The following KATNIP variants were observed in gnomAD, a reference collection of about 807,000 sequenced individuals.
KATNIP encodes katanin interacting protein.
A neutral mutation model predicts 174.0 loss-of-function variants in KATNIP; 126 were observed. That is an observed-to-expected ratio of 0.72 (90% CI 0.63 to 0.84). The LOEUF is 0.84. Ranked by LOEUF, KATNIP falls within the 40% of genes least tolerant of loss-of-function variation. The pLI is 0.00. For synonymous variants in KATNIP, 810 were observed against 835.7 expected, an observed-to-expected ratio of 0.97 and a Z score of 0.53; for missense variants, 1,958 against 2,109.7, an observed-to-expected ratio of 0.93 and a Z score of 1.41.
chr16:27,739,706 G>A (rs1481933340), intron 14 of KATNIP, among the ~76,000 whole-genome samples: 2 of 152,332 alleles, frequency 1.3e-5, no homozygotes, highest in Admixed American at 1.3e-4. Context: ...AATGAACTCT[G>A]GTGGCAATGT....
At chr16:27,726,326 C>T (rs781077919) in intron 14 of KATNIP, among the ~76,000 whole-genome samples, 7 of 152,178 alleles carry the variant, frequency 4.6e-5, no homozygotes, top group Non-Finnish European at 5.9e-5. Flanking sequence ...CTGGTGTAGG[C>T]CACCGCTGCT....
Position 27,550,187 on chromosome 16 carries a change from T to A in KATNIP, c.7+10T>A. 2 of 1,609,054 alleles carry A rather than the reference T, an allele frequency of 1.2e-6. No individual in the cohort carries two copies. The highest frequency in any genetic ancestry group is 2.2e-5 in the South Asian group (2 of 90,884). ...CCTCTAGGGATGGACGGTGAGTGTC[T>A]GTGGGCCCCTCCGGGAGGTCGGGCT... On this transcript the variant is annotated intron_variant, in intron 1 of 27. Transcript: ENST00000261588.
intron 23 of KATNIP, among the ~76,000 whole-genome samples, 198 bp downstream of exon 23, chr16:27,773,407 C>T (rs2082382663): frequency 6.6e-6 from 1 of 152,196 alleles, no homozygotes; most frequent in Non-Finnish European, 1.5e-5. Context: ...GCTAAGACAT[C>T]AGGAGCAGGA....
chr16:27,716,775 C>T (rs2079958722), intron 13 of KATNIP, among the ~76,000 whole-genome samples: 1 of 152,166 alleles, frequency 6.6e-6, no homozygotes, highest in African/African-American at 2.4e-5. Context: ...ACAATGGAAA[C>T]CACTGATCTG....
chr16:27,709,645 A>C (rs2079485181), intron 13 of KATNIP, among the ~76,000 whole-genome samples: 1 of 151,060 alleles, frequency 6.6e-6, no homozygotes, highest in Admixed American at 6.6e-5. Context: ...TCTCAAAAAA[A>C]ATAAATAAGA....
chr16:27,733,986 C>A (rs945764724), intron 14 of KATNIP, among the ~76,000 whole-genome samples: 1 of 152,072 alleles, frequency 6.6e-6, no homozygotes, highest in Admixed American at 6.5e-5. Flanking sequence ...AACTGGAACC[C>A]ACACACATAC....
At chr16:27,579,336 C>G (rs1314312141) in intron 2 of KATNIP, among the ~76,000 whole-genome samples, 4 of 152,204 alleles carry the variant, frequency 2.6e-5, no homozygotes, top group Non-Finnish European at 5.9e-5. Context: ...GGCCAAGCAG[C>G]TCTGCCTCAA....
chr16:27,560,285 A>G (rs200146875), intron 1 of KATNIP, among the ~76,000 whole-genome samples: 2 of 145,722 alleles, frequency 1.4e-5, no homozygotes, highest in Admixed American at 6.8e-5. Flanking sequence ...CTGTCTCAGA[A>G]AAAAAAAAAA....
At chr16:27,653,853 G>C (rs1201005017) in intron 6 of KATNIP, among the ~76,000 whole-genome samples, 7 of 152,116 alleles carry the variant, frequency 4.6e-5, no homozygotes, top group African/African-American at 1.4e-4. Flanking sequence ...GGTAGAGATA[G>C]GGTCTCATAT....
intron 5 of KATNIP, among the ~76,000 whole-genome samples, chr16:27,639,670 C>T (rs1178620221): frequency 1.3e-5 from 2 of 152,226 alleles, no homozygotes; most frequent in African/African-American, 4.8e-5. Context: ...GCCTGTGCAG[C>T]TTCAGCACCT....
intron 5 of KATNIP, among the ~76,000 whole-genome samples, chr16:27,645,600 G>A (rs576386755): frequency 6.6e-6 from 1 of 152,302 alleles, no homozygotes; most frequent in South Asian, 2.1e-4. Flanking sequence ...CAGTGCATTT[G>A]GAGGCAGGCT....
Position 27,699,532 on chromosome 16 carries a change from A to G in KATNIP, c.1114-2A>G, listed in dbSNP as rs775447382. 3.7e-6 allele frequency: 6 copies of G among 1,613,980 alleles called. No individual in the cohort carries two copies. The East Asian group carries it at 1.3e-4, about 36-fold the overall frequency. On this transcript the variant is annotated splice_acceptor_variant, in intron 9 of 27. Coordinates refer to ENST00000261588, the MANE Select transcript of KATNIP (RefSeq NM_015202.5). LOFTEE classifies it high-confidence loss of function. The stretch of plus-strand genomic sequence containing the variant: ...TCACATCATGTGATCACATCCTTCC[A>G]GGATGCAGAAGGACCACCAGCAAAA...
At chr16:27,736,922 G>A (rs2080919377) in intron 14 of KATNIP, among the ~76,000 whole-genome samples, 1 of 152,196 alleles carries the variant, frequency 6.6e-6, no homozygotes, top group African/African-American at 2.4e-5. Context: ...CAGCTCCAGG[G>A]CGTGTTCTGG....
chr16:27,659,974 G>A (rs1018691056), intron 6 of KATNIP: 1 of 983,940 alleles, frequency 1.0e-6, no homozygotes, highest in East Asian at 1.1e-4. Flanking sequence ...ACAACACTGT[G>A]GTTTATTTGA....
chr16:27,754,071 C>T (rs1253096970), intron 17 of KATNIP, 102 bp from the exon 18 acceptor site: 1 of 910,994 alleles, frequency 1.1e-6, no homozygotes, highest in African/African-American at 1.6e-5. Flanking sequence ...CTTACCTGGG[C>T]ATAGGGTGGG....
intron 6 of KATNIP, among the ~76,000 whole-genome samples, chr16:27,649,723 C>T (rs986127880): frequency 6.6e-6 from 1 of 152,088 alleles, no homozygotes; most frequent in South Asian, 2.1e-4. Context: ...AAGAAATAAA[C>T]GATGAGATCA....
intron 2 of KATNIP, among the ~76,000 whole-genome samples, chr16:27,612,589 T>C (rs1056171228): frequency 6.6e-6 from 1 of 151,884 alleles, no homozygotes; most frequent in Non-Finnish European, 1.5e-5. Context: ...TGAAACCCCG[T>C]CTCTAGTAAA....
intron 2 of KATNIP, among the ~76,000 whole-genome samples, chr16:27,603,162 A>C (rs1423896991): frequency 6.6e-6 from 1 of 152,240 alleles, no homozygotes; most frequent in African/African-American, 2.4e-5. Flanking sequence ...AGGATCCACA[A>C]TCATGATCTG....
intron 2 of KATNIP, among the ~76,000 whole-genome samples, chr16:27,601,019 C>T (rs1212004319): frequency 6.6e-6 from 1 of 152,186 alleles, no homozygotes; most frequent in Non-Finnish European, 1.5e-5. Context: ...AGAAGTGAGC[C>T]ACTGCACCCA....
Sources: allele counts gnomAD v4.1 joint callset (sites outside exome capture counted in the v4.1 genomes callset), GRCh38; gene constraint gnomAD v4.1.1; transcripts MANE v1.5; gene names NCBI Gene and HGNC (gene_info 2026-07-23, HGNC 2026-07-21).